BANK1: variants seen among roughly 807,000 people sequenced by gnomAD.
BANK1 encodes B cell scaffold protein with ankyrin repeats 1, also known as B-cell scaffold protein with ankyrin repeats.
BANK1 carries 95 observed loss-of-function variants against 94.5 expected under a neutral mutation model. The observed-to-expected ratio is 1.00, with a 90% CI of 0.85 to 1.19. The LOEUF (loss-of-function observed/expected upper bound fraction) is 1.19. BANK1 is among the 50% of genes most tolerant of loss of function. The probability of loss-of-function intolerance (pLI) is 0.00; values close to 1 mark genes in which losing one functional copy is unlikely to be tolerated. For missense variants in BANK1, 987 were observed against 932.2 expected, an observed-to-expected ratio of 1.06 and a Z score of -0.77; for synonymous variants, 334 against 308.4, an observed-to-expected ratio of 1.08 and a Z score of -0.87.
intron 1 of BANK1, among the ~76,000 whole-genome samples, chr4:101,809,064 A>G (rs1725656235): frequency 6.6e-6 from 1 of 152,250 alleles, no homozygotes; most frequent in Admixed American, 6.5e-5. Context: ...TTATAGCAGC[A>G]CAATTTGCAA....
intron 7 of BANK1, among the ~76,000 whole-genome samples, chr4:102,013,450 C>A (rs916743476): frequency 6.6e-6 from 1 of 151,922 alleles, no homozygotes; most frequent in Non-Finnish European, 1.5e-5. Flanking sequence ...GGAATTAAAC[C>A]GCTTGTAGAA....
chr4:101,950,076 T>G (rs1211635657), intron 7 of BANK1, among the ~76,000 whole-genome samples: 2 of 150,448 alleles, frequency 1.3e-5, no homozygotes, highest in East Asian at 3.9e-4. Flanking sequence ...TGCGCGCGCA[T>G]GTGCCTACAC....
rs369106364 is a variant in BANK1 at position 101,918,132 on chromosome 4, A to T, written c.1149A>T (p.Ala383=). Residue 383 remains alanine (A), a synonymous_variant, in exon 7 of 17, where the codon GCA becomes GCT. Coordinates refer to ENST00000322953, the MANE Select transcript of BANK1 (RefSeq NM_017935.5). ...KMKNMEGSDP[A]HIAERHGHKE... ...AAAATATGGAGGGTTCAGACCCCGC[A>T]CATATTGCTGAAAGGCATGGTCACA... 6.2e-7 allele frequency: 1 copy of T among 1,603,970 alleles called. No individual in the cohort carries two copies. Among genetic ancestry groups the T allele is most frequent in the African/African-American group, 1.3e-5 (1 of 74,706 alleles).
chr4:101,804,755 T>G (rs1165008583), intron 1 of BANK1, among the ~76,000 whole-genome samples: 1 of 152,224 alleles, frequency 6.6e-6, no homozygotes, highest in Non-Finnish European at 1.5e-5. Context: ...TGTAAGAATA[T>G]AGTATATCAG....
intron 7 of BANK1, among the ~76,000 whole-genome samples, chr4:101,930,756 G>A (rs182036304): frequency 6.6e-6 from 1 of 151,632 alleles, no homozygotes; most frequent in Non-Finnish European, 1.5e-5. Flanking sequence ...AAGTAGAGAT[G>A]AGTTTTGAAC....
At chr4:101,943,783 T>TA (rs1010185445) in intron 7 of BANK1, among the ~76,000 whole-genome samples, 6 of 151,930 alleles carry the variant, frequency 3.9e-5, no homozygotes, top group Admixed American at 1.3e-4. Flanking sequence ...AGATATTTCA[T>TA]AGCATTTTGT....
chr4:102,000,271 C>T (rs530268410), intron 7 of BANK1, among the ~76,000 whole-genome samples: 15 of 52,088 alleles, frequency 2.9e-4, no homozygotes, highest in Non-Finnish European at 5.1e-4. Context: ...TGCAGTGAGC[C>T]AAGATTGTGC....
chr4:101,815,391 A>G (rs1431121145), intron 1 of BANK1, among the ~76,000 whole-genome samples: 1 of 152,182 alleles, frequency 6.6e-6, no homozygotes, highest in African/African-American at 2.4e-5. Context: ...CTAATTTATC[A>G]CAAAATAAAA....
intron 1 of BANK1, among the ~76,000 whole-genome samples, chr4:101,792,365 C>T (rs1205890158): frequency 1.5e-5 from 2 of 132,352 alleles, no homozygotes; most frequent in Non-Finnish European, 3.1e-5. Context: ...TTTCTAAAAA[C>T]GAATTGTCTT....
intron 6 of BANK1, among the ~76,000 whole-genome samples, chr4:101,912,040 A>AAC (rs913262901): frequency 1.3e-5 from 2 of 151,920 alleles, no homozygotes; most frequent in South Asian, 2.1e-4. Flanking sequence ...CTCAATTAGA[A>AAC]ACACACACAC....
intron 7 of BANK1, among the ~76,000 whole-genome samples, chr4:101,984,414 C>T (rs749268382): frequency 3.0e-4 from 45 of 151,946 alleles, no homozygotes; most frequent in Non-Finnish European, 6.2e-4. Flanking sequence ...CACTAACTTA[C>T]CAGGAAAAGC....
chr4:102,073,734 A>AGAT lies in BANK1; in HGVS notation c.2350_2352dup (p.Asp784dup). 2.5e-6 allele frequency: 4 copies of AGAT among 1,610,260 alleles called. No individual in the cohort carries two copies. The highest frequency in any genetic ancestry group is 3.4e-6 in the Non-Finnish European group (4 of 1,177,740). On this transcript the variant is annotated inframe_insertion, in exon 16 of 17. Coordinates refer to ENST00000322953, the MANE Select transcript of BANK1 (RefSeq NM_017935.5). Reference sequence around the variant, plus strand: ...AGGAATTTGGTTTCTGTTGCAAGAAAGATCATTAAAGAAGGTAAAATATTA... The same window carrying AGAT: ...AGGAATTTGGTTTCTGTTGCAAGAAAGATGATCATTAAAGAAGGTAAAATATTA...
At chr4:101,907,866 T>A (rs1445539521) in intron 6 of BANK1, among the ~76,000 whole-genome samples, 1 of 152,102 alleles carries the variant, frequency 6.6e-6, no homozygotes, top group Non-Finnish European at 1.5e-5. Flanking sequence ...AAGGACCTCT[T>A]CAAGGAGAAC....
chr4:101,814,668 G>C (rs1453359643), intron 1 of BANK1, among the ~76,000 whole-genome samples: 1 of 152,190 alleles, frequency 6.6e-6, no homozygotes, highest in Non-Finnish European at 1.5e-5. Flanking sequence ...GTGAATTTAA[G>C]TCCAGCTTAA....
intron 5 of BANK1, among the ~76,000 whole-genome samples, chr4:101,893,159 G>T (rs758756097): frequency 2.0e-5 from 3 of 151,636 alleles, no homozygotes; most frequent in Non-Finnish European, 4.4e-5. Flanking sequence ...TGAATACATT[G>T]CTACTTTATT....
At chr4:102,015,739 A>G (rs1726676516) in intron 7 of BANK1, among the ~76,000 whole-genome samples, 1 of 151,524 alleles carries the variant, frequency 6.6e-6, no homozygotes, top group Admixed American at 6.6e-5. Context: ...TCGTGTTCAT[A>G]CTCTCTCCTG....
At chr4:102,054,973 TGC>T (rs1458604935) in intron 11 of BANK1, among the ~76,000 whole-genome samples, 1 of 152,118 alleles carries the variant, frequency 6.6e-6, no homozygotes, top group Non-Finnish European at 1.5e-5. Flanking sequence ...ATAGTTGATG[TGC>T]CAGAGTGGTA....
Position 101,996,159 on chromosome 4 carries a change from T to A in BANK1, c.1207-25355T>A, listed in dbSNP as rs190607315. Among the ~76,000 whole-genome samples, 5 of 152,356 alleles carry A rather than the reference T, an allele frequency of 3.3e-5. No homozygotes were observed. The East Asian group carries it at 9.6e-4, about 29-fold the overall frequency. On this transcript the variant is annotated intron_variant, in intron 7 of 16. Transcript: ENST00000322953. ...TTTTCTGCATATGGCTAGCCAGTTT[T>A]CCCAACACCATTTATTAAATAGGGA...
intron 1 of BANK1, among the ~76,000 whole-genome samples, chr4:101,810,594 GTTATA>G (rs1385237627): frequency 6.6e-6 from 1 of 152,096 alleles, no homozygotes; most frequent in Non-Finnish European, 1.5e-5. Context: ...GGAATTCACT[GTTATA>G]TTTTATTGAC....
Sources: allele counts gnomAD v4.1 joint callset (sites outside exome capture counted in the v4.1 genomes callset), GRCh38; gene constraint gnomAD v4.1.1; transcripts MANE v1.5; gene names NCBI Gene and HGNC (gene_info 2026-07-23, HGNC 2026-07-21).